COL17A1: variants seen among roughly 807,000 people sequenced by gnomAD.
COL17A1 encodes collagen type XVII alpha 1 chain.
COL17A1 carries 181 observed loss-of-function variants against 218.4 expected under a neutral mutation model. The observed-to-expected ratio is 0.83, with a 90% CI of 0.73 to 0.94. The LOEUF (loss-of-function observed/expected upper bound fraction) is 0.94, where lower values mean the gene tolerates loss of function less well. COL17A1 is among the 40% of genes least tolerant of loss of function. COL17A1 has a pLI of 0.00. For synonymous variants in COL17A1, 721 were observed against 731.0 expected, an observed-to-expected ratio of 0.99 and a Z score of 0.22; for missense variants, 1,924 against 1,945.9, an observed-to-expected ratio of 0.99 and a Z score of 0.21.
chr10:104,036,697 C>A, intron 47 of COL17A1, 65 bp from the exon 48 acceptor site: 1 of 1,585,946 alleles, frequency 6.3e-7, no homozygotes, highest in African/African-American at 1.3e-5. Flanking sequence ...CATGATCCAG[C>A]CACAGCCTGG....
intron 17 of COL17A1, 126 bp downstream of exon 17, chr10:104,056,849 C>T: frequency 6.5e-7 from 1 of 1,527,380 alleles, no homozygotes; most frequent in Non-Finnish European, 8.8e-7. Flanking sequence ...AGGGTCTGCA[C>T]CAATGCATTC....
At chr10:104,060,399 G>A (rs2086572656) in intron 13 of COL17A1, 119 bp from the exon 14 acceptor site, 1 of 1,393,344 alleles carries the variant, frequency 7.2e-7, no homozygotes, top group Non-Finnish European at 9.8e-7. Flanking sequence ...ATTAGCAGGT[G>A]TGTATGAGGG....
chr10:104,042,782 G>A (rs1285656266), intron 35 of COL17A1, among the ~76,000 whole-genome samples: 1 of 152,226 alleles, frequency 6.6e-6, no homozygotes, highest in Non-Finnish European at 1.5e-5. Flanking sequence ...GTTGTGGTAA[G>A]TTGTGTACTT....
At chr10:104,075,718 C>T (rs771652583) in intron 5 of COL17A1, among the ~76,000 whole-genome samples, 2 of 152,178 alleles carry the variant, frequency 1.3e-5, no homozygotes, top group Non-Finnish European at 2.9e-5. Context: ...AATCTGAGTC[C>T]CTCAAACCTT....
At chr10:104,073,935 C>T (rs2086688293) in intron 6 of COL17A1, 2 of 497,798 alleles carry the variant, frequency 4.0e-6, no homozygotes, top group Non-Finnish European at 7.2e-6. Flanking sequence ...AAGCCTGAGC[C>T]TTATATATAG....
chr10:104,064,447 C>T lies in COL17A1; in HGVS notation c.757G>A (p.Ala253Thr). 1 of 1,614,130 alleles carries T rather than the reference C, an allele frequency of 6.2e-7. No individual in the cohort carries two copies. Among genetic ancestry groups the T allele is most frequent in the Non-Finnish European group, 8.5e-7 (1 of 1,180,028 alleles). Residue 253 changes from alanine to threonine, a missense_variant, in exon 10 of 56, where the codon GCG (alanine) becomes ACG (threonine). By Grantham distance (58) the Ala-to-Thr change is moderately conservative. Coordinates refer to ENST00000648076, the MANE Select transcript of COL17A1 (RefSeq NM_000494.4). ...SSLLNTNAYS[A>T]GSVFGVPNNM... Reference sequence around the variant, plus strand: ...GCTGCCCGCCAGGTACCTGATCCCGCAGAGTAGGCATTGGTGTTGAGGAGG... The same window carrying T: ...GCTGCCCGCCAGGTACCTGATCCCGTAGAGTAGGCATTGGTGTTGAGGAGG...
At chr10:104,055,141 C>T (rs2086507958) in intron 19 of COL17A1, 134 bp from the exon 20 acceptor site, 2 of 1,514,972 alleles carry the variant, frequency 1.3e-6, no homozygotes, top group South Asian at 2.4e-5. Flanking sequence ...GAGTCCCTCC[C>T]AGTCCCAGAG....
At chr10:104,053,202 C>T (rs1368971266) in intron 22 of COL17A1, 67 bp from the exon 23 acceptor site, 4 of 1,567,966 alleles carry the variant, frequency 2.6e-6, no homozygotes, top group Non-Finnish European at 3.5e-6. Flanking sequence ...CCACAGGCAG[C>T]CTCCCACGGC....
intron 32 of COL17A1, 114 bp downstream of exon 32, chr10:104,046,633 C>T: frequency 1.0e-6 from 1 of 986,482 alleles, no homozygotes; most frequent in Non-Finnish European, 1.6e-6. Flanking sequence ...GGAGTGTGTG[C>T]CAGGGAGTTG....
intron 39 of COL17A1, 137 bp from the exon 40 acceptor site, chr10:104,040,547 TGGGTGGATGAATGGGC>T (rs1217742362): frequency 9.8e-6 from 6 of 609,960 alleles, no homozygotes; most frequent in East Asian, 6.1e-5. Context: ...GATGAATGGG[TGGGTGGATGAATGGGC>T]GGGTGGGTGG....
intron 1 of COL17A1, among the ~76,000 whole-genome samples, chr10:104,082,139 C>T (rs1225148765): frequency 2.6e-5 from 4 of 152,006 alleles, no homozygotes; most frequent in African/African-American, 9.7e-5. Flanking sequence ...AAACACAGCT[C>T]GAGGCAAGGA....
rs1172463554 is a variant in COL17A1 at position 104,057,044 on chromosome 10, T to C, written c.1396A>G (p.Lys466Glu). 1 of 1,605,732 alleles carries C rather than the reference T, an allele frequency of 6.2e-7. No individual in the cohort carries two copies. The highest frequency in any genetic ancestry group is 1.7e-5 in the Admixed American group (1 of 58,396). ...CPCGSCCSWW[K>E]WLLGLLLTWL... ...GTGAGCAGCAGGCCCAGCAGCCACT[T>C]CCACCAGCTGCAGCAGGAGCCGCAG... is the stretch of plus-strand genomic sequence containing the variant. Residue 466 changes from lysine (K) to glutamate (E), a missense_variant, in exon 17 of 56, where the codon AAG becomes GAG. Physicochemically the swap from Lys to Glu is moderately conservative, Grantham distance 56. Coordinates refer to ENST00000648076, the MANE Select transcript of COL17A1 (RefSeq NM_000494.4).
At chr10:104,043,948 T>C in intron 33 of COL17A1, 88 bp from the exon 34 acceptor site, 2 of 1,440,640 alleles carry the variant, frequency 1.4e-6, no homozygotes, top group Non-Finnish European at 2.0e-6. Flanking sequence ...TGATTGCATT[T>C]GGGACCCACT....
intron 32 of COL17A1, among the ~76,000 whole-genome samples, chr10:104,046,167 A>G (rs908336420): frequency 1.3e-5 from 2 of 152,162 alleles, no homozygotes; most frequent in African/African-American, 4.8e-5. Context: ...TCTTGCCTTT[A>G]ACTACTGAAC....
rs757055217 is a variant in COL17A1 at position 104,035,477 on chromosome 10, G to A, written c.3505C>T (p.Arg1169Ter). 9.3e-6 allele frequency: 15 copies of A among 1,613,892 alleles called. No homozygotes were observed. Among genetic ancestry groups the A allele is most frequent in the Admixed American group, 1.7e-5 (1 of 59,978 alleles). ...GATGTCCCCTGCTGGGCCTTACCTC[G>A]CAGCAAGGAGAGGAGCTCCTCATAG... is the stretch of plus-strand genomic sequence containing the variant. ...TSYEELLSLL[R>*]GSEFRGIVGP... Residue 1169 changes from arginine to a stop codon, truncating the protein, a stop_gained, in exon 49 of 56, where the codon CGA (arginine) becomes TGA (stop). Coordinates refer to ENST00000648076, the MANE Select transcript of COL17A1 (RefSeq NM_000494.4). LOFTEE classifies it high-confidence loss of function.
chr10:104,059,855 G>A, intron 14 of COL17A1, 137 bp from the exon 15 acceptor site: 6 of 1,051,202 alleles, frequency 5.7e-6, no homozygotes, highest in Non-Finnish European at 8.6e-6. Flanking sequence ...CCTCTTTCCT[G>A]GGGTTCATCT....
In COL17A1 at chr10:104,064,426, C is replaced by T; in HGVS notation, c.766+12G>A. On this transcript the variant is annotated intron_variant, in intron 10 of 55. Transcript: ENST00000648076. ...CAGGGGTGAGAGAGGGTGTGGGCTG[C>T]CCGCCAGGTACCTGATCCCGCAGAG... 2 of 1,613,928 alleles carry T rather than the reference C, an allele frequency of 1.2e-6. No individual in the cohort carries two copies. The highest frequency in any genetic ancestry group is 1.7e-6 in the Non-Finnish European group (2 of 1,179,978).
In COL17A1 at chr10:104,051,009, C is replaced by G. The variant is rs558878814; in HGVS notation, c.2039-108G>C. ...ATACAGGCACACATATGCACACACC[C>G]TATAGTAAAAGTCAAAGGATGCTTT... On this transcript the variant is annotated intron_variant, in intron 25 of 55. Coordinates refer to ENST00000648076, the MANE Select transcript of COL17A1 (RefSeq NM_000494.4). 208 of 1,560,418 alleles carry G rather than the reference C, an allele frequency of 1.3e-4. 1 individual carries two copies. The African/African-American group carries it at 2.3e-3, about 17-fold the overall frequency.
At chr10:104,040,030 A>G in intron 40 of COL17A1, 31 bp from the exon 41 acceptor site, 1 of 1,613,834 alleles carries the variant, frequency 6.2e-7, no homozygotes, top group South Asian at 1.1e-5. Flanking sequence ...GCTATGAGAC[A>G]GGTACCAACC....
Sources: gnomAD v4.1 joint callset for allele counts (sites outside exome capture counted in the v4.1 genomes callset) on GRCh38, gnomAD v4.1.1 for gene constraint, MANE v1.5 for transcripts, NCBI Gene and HGNC (gene_info 2026-07-23, HGNC 2026-07-21) for gene names.